GPHN: variants seen among roughly 807,000 people sequenced by gnomAD.
GPHN encodes gephyrin.
In GPHN, 17 loss-of-function variants were observed where a neutral mutation model predicts 95.5. The ratio of observed to expected loss-of-function variants is 0.18; its 90% CI spans 0.12 to 0.27. GPHN has a LOEUF of 0.27. Ranked by LOEUF, GPHN falls within the 10% of genes least tolerant of loss-of-function variation. The pLI is 1.00. For missense variants in GPHN, 660 were observed against 978.1 expected (o/e 0.67, Z 4.34); for synonymous variants, 320 against 322.5 (o/e 0.99, Z 0.08).
At chr14:67,511,966 A>T in the GPHN span, among the ~76,000 whole-genome samples, 10 of 152,358 alleles carry the variant, frequency 6.6e-5, no homozygotes, top group South Asian at 2.1e-3. Flanking sequence ...TCCTTGAATC[A>T]CAGCAGCATG....
chr14:67,727,295 T>A, the GPHN span: 100 of 828,510 alleles, frequency 1.2e-4, no homozygotes, highest in Non-Finnish European at 1.9e-4. Context: ...GTCAGTAATA[T>A]CTCTGTGGAC....
the GPHN span, chr14:67,487,094 A>G: frequency 6.6e-6 from 1 of 152,252 alleles, no homozygotes; most frequent in Non-Finnish European, 1.5e-5. Context: ...CCTCAGTGCC[A>G]TTCTCAGCAA....
At position 66,603,434 on chromosome 14, in the gene GPHN, C is replaced by T. The variant is rs570186059; in HGVS notation, c.65-77673C>T. On this transcript the variant is annotated intron_variant, in intron 1 of 22. Coordinates refer to ENST00000478722, the MANE Select transcript of GPHN (RefSeq NM_020806.5). Reference sequence around the variant, plus strand: ...ACTTTGTGAACATTTTCCTATGCCACCAAAAATTTAGTTCAAAGTCATTTA... The same window carrying T: ...ACTTTGTGAACATTTTCCTATGCCATCAAAAATTTAGTTCAAAGTCATTTA... Among the ~76,000 whole-genome samples, 44 of 151,818 alleles carry T rather than the reference C, an allele frequency of 2.9e-4. 2 individuals carry two copies. In the South Asian group the frequency reaches 8.7e-3, roughly 30 times the overall value.
At chr14:67,193,965 C>CAAAAAAAAAAAT in the GPHN span, among the ~76,000 whole-genome samples, 4 of 131,134 alleles carry the variant, frequency 3.1e-5, no homozygotes, top group Non-Finnish European at 6.5e-5. Context: ...AAAAAAAAAA[C>CAAAAAAAAAAAT]GAAAAACAAA....
At chr14:67,375,560 T>G in the GPHN span, among the ~76,000 whole-genome samples, 1 of 152,012 alleles carries the variant, frequency 6.6e-6, no homozygotes, top group African/African-American at 2.4e-5. Flanking sequence ...ATGAAGAGAT[T>G]TTAAAAAATC....
intron 2 of GPHN, among the ~76,000 whole-genome samples, chr14:66,747,329 G>T (rs934215129): frequency 5.3e-5 from 8 of 152,080 alleles, no homozygotes; most frequent in Admixed American, 3.9e-4. Context: ...ATTTCACTAA[G>T]TAACTTCTAA....
At chr14:66,676,308 T>C (rs8018488) in intron 1 of GPHN, among the ~76,000 whole-genome samples, 47,204 of 151,898 alleles carry the variant, frequency 0.31, 11,160 homozygotes, top group African/African-American at 0.64. Flanking sequence ...TATTTCCTTT[T>C]GTGGCCTAAT....
intron 2 of GPHN, among the ~76,000 whole-genome samples, chr14:66,713,305 T>G (rs1392388059): frequency 1.3e-5 from 2 of 152,216 alleles, no homozygotes; most frequent in Non-Finnish European, 2.9e-5. Context: ...TTGATTTGAT[T>G]TTTGTGTAAG....
chr14:67,016,502 T>C (rs147244370), intron 9 of GPHN, among the ~76,000 whole-genome samples: 5 of 152,126 alleles, frequency 3.3e-5, no homozygotes, highest in African/African-American at 1.2e-4. Context: ...AAGAAGATAA[T>C]AAATATTAAT....
At chr14:66,717,516 A>AT (rs1242994759) in intron 2 of GPHN, among the ~76,000 whole-genome samples, 5 of 151,306 alleles carry the variant, frequency 3.3e-5, no homozygotes, top group Non-Finnish European at 7.4e-5. Context: ...TAAATCAGGG[A>AT]TTTTTTCTTG....
At chr14:66,785,018 A>G (rs1041994617) in intron 3 of GPHN, among the ~76,000 whole-genome samples, 5 of 152,358 alleles carry the variant, frequency 3.3e-5, no homozygotes, top group Admixed American at 2.0e-4. Context: ...GGTAGTAAGC[A>G]ATAGGATACA....
the GPHN span, chr14:67,204,857 A>G: frequency 1.9e-6 from 3 of 1,613,878 alleles, no homozygotes; most frequent in African/African-American, 1.3e-5. Context: ...GGCCCTGAAC[A>G]TGTCAGGGAC....
the GPHN span, among the ~76,000 whole-genome samples, chr14:67,640,589 G>T: frequency 6.6e-6 from 1 of 152,056 alleles, no homozygotes; most frequent in Non-Finnish European, 1.5e-5. Flanking sequence ...CTCTTAATCC[G>T]AACCTTTAAC....
At chr14:67,447,604 G>A in the GPHN span, 3 of 149,204 alleles carry the variant, frequency 2.0e-5, no homozygotes, top group South Asian at 6.3e-4. Flanking sequence ...CCAGGAGAAG[G>A]CAGATGAGCC....
intron 10 of GPHN, among the ~76,000 whole-genome samples, chr14:67,032,075 T>C (rs561814580): frequency 3.2e-4 from 48 of 152,338 alleles, no homozygotes; most frequent in African/African-American, 1.2e-3. Context: ...AATAGCCACA[T>C]TGAAATGGAT....
At chr14:66,717,783 T>C (rs1412367925) in intron 2 of GPHN, among the ~76,000 whole-genome samples, 2 of 152,204 alleles carry the variant, frequency 1.3e-5, no homozygotes, top group East Asian at 3.9e-4. Context: ...CTCTTCTTGG[T>C]CTAGCCATCT....
chr14:66,615,254 A>G (rs765172199), intron 1 of GPHN, among the ~76,000 whole-genome samples: 3 of 152,138 alleles, frequency 2.0e-5, no homozygotes, highest in Non-Finnish European at 2.9e-5. Context: ...GTCAAATGGT[A>G]TTTCTGGTTC....
At chr14:67,225,976 TGC>T in the GPHN span, among the ~76,000 whole-genome samples, 14 of 117,254 alleles carry the variant, frequency 1.2e-4, no homozygotes, top group African/African-American at 4.4e-4. Context: ...CGCGCGCGCG[TGC>T]GCATGCGCGT....
At chr14:67,009,225 A>C (rs1189087331) in intron 9 of GPHN, among the ~76,000 whole-genome samples, 2 of 152,090 alleles carry the variant, frequency 1.3e-5, no homozygotes, top group Non-Finnish European at 2.9e-5. Flanking sequence ...AAGAGTATGA[A>C]CCTTAATAAT....
Sources: allele counts gnomAD v4.1 joint callset (sites outside exome capture counted in the v4.1 genomes callset), GRCh38; gene constraint gnomAD v4.1.1; transcripts MANE v1.5; gene names NCBI Gene and HGNC (gene_info 2026-07-23, HGNC 2026-07-21).